Variants in GABPA observed in about 807,000 individuals in gnomAD.
The protein encoded by GABPA is GA binding protein transcription factor subunit alpha, also known as GA-binding protein alpha chain.
In GABPA, 4 loss-of-function variants were observed where a neutral mutation model predicts 59.4. The ratio of observed to expected loss-of-function variants is 0.07; its 90% CI spans 0.03 to 0.15. The LOEUF (loss-of-function observed/expected upper bound fraction) is 0.15, where lower values mean the gene tolerates loss of function less well. Ranked by LOEUF, GABPA falls within the 10% of genes least tolerant of loss-of-function variation. The pLI, the probability that GABPA is intolerant of heterozygous loss-of-function variation, is 1.00. For missense variants in GABPA, 251 were observed against 543.8 expected, an observed-to-expected ratio of 0.46 and a Z score of 5.36; for synonymous variants, 164 against 183.1, an observed-to-expected ratio of 0.90 and a Z score of 0.84.
chr21:25,766,861 CA>C (rs1188966139), intron 9 of GABPA, among the ~76,000 whole-genome samples: 2 of 151,888 alleles, frequency 1.3e-5, no homozygotes, highest in African/African-American at 4.8e-5. Context: ...ATCCAAACCC[CA>C]GAAACAACCA....
intron 5 of GABPA, among the ~76,000 whole-genome samples, chr21:25,752,546 A>G (rs963381706): frequency 6.6e-6 from 1 of 152,150 alleles, no homozygotes; most frequent in African/African-American, 2.4e-5. Context: ...ACTGCCAGTA[A>G]CTCTTGTAGA....
chr21:25,752,893 A>C (rs551474075), intron 5 of GABPA, among the ~76,000 whole-genome samples: 16 of 152,322 alleles, frequency 1.1e-4, no homozygotes, highest in Non-Finnish European at 1.9e-4. Context: ...TGTCTACATT[A>C]GCCCAGACTC....
intron 7 of GABPA, chr21:25,763,100 A>G: frequency 2.2e-6 from 1 of 457,634 alleles, no homozygotes; most frequent in East Asian, 5.5e-5. Flanking sequence ...GTTTCTCTTA[A>G]TATCCATCTC....
rs747071125 is a variant in GABPA, at chr21:25,764,582, CTTACCAAT to C, written c.944-9_944-2del. 2 of 1,606,878 alleles carry C rather than the reference CTTACCAAT, an allele frequency of 1.2e-6. No homozygotes were observed. Among genetic ancestry groups the C allele is most frequent in the South Asian group, 2.2e-5 (2 of 90,724 alleles). ...ACACTATAGCTAATGCTTTGTTCCTCTTACCAATTTAGGAAACAATGGCCAAATCCAAC... is the reference window on the plus strand; with the variant it reads ...ACACTATAGCTAATGCTTTGTTCCTCTTAGGAAACAATGGCCAAATCCAAC... On this transcript the variant is annotated splice_polypyrimidine_tract_variant and splice_region_variant and intron_variant, in intron 8 of 9. Coordinates refer to ENST00000400075, the MANE Select transcript of GABPA (RefSeq NM_002040.4).
chr21:25,762,276 T>C, intron 6 of GABPA, 36 bp from the exon 7 acceptor site: 1 of 1,247,934 alleles, frequency 8.0e-7, no homozygotes, highest in Admixed American at 2.1e-5. Flanking sequence ...ATATTTTTGG[T>C]TTTAAATAAA....
chr21:25,759,469 T>C (rs187782105), intron 6 of GABPA, among the ~76,000 whole-genome samples: 77 of 152,012 alleles, frequency 5.1e-4, no homozygotes, highest in African/African-American at 1.8e-3. Flanking sequence ...ACTTTGGGAG[T>C]CTGGGGTGGG....
intron 2 of GABPA, among the ~76,000 whole-genome samples, chr21:25,744,995 G>C (rs1254985213): frequency 6.6e-6 from 1 of 152,148 alleles, no homozygotes; most frequent in Non-Finnish European, 1.5e-5. Context: ...TATTTACAAG[G>C]ATGCTTTAAA....
intron 2 of GABPA, among the ~76,000 whole-genome samples, chr21:25,744,532 A>G (rs2035310971): frequency 6.6e-6 from 1 of 152,202 alleles, no homozygotes; most frequent in Admixed American, 6.5e-5. Context: ...CACATTCACC[A>G]ATTCAGCAAA....
intron 5 of GABPA, among the ~76,000 whole-genome samples, chr21:25,755,281 C>T (rs1239533040): frequency 6.6e-6 from 1 of 151,310 alleles, no homozygotes; most frequent in African/African-American, 2.4e-5. Context: ...AGACTGTCTC[C>T]AAAAAATAGA....
In GABPA at chr21:25,769,158, C is replaced by T; in HGVS notation, c.1291C>T (p.Leu431Phe). 6.2e-7 allele frequency: 1 copy of T among 1,609,886 alleles called. No individual in the cohort carries two copies. The highest frequency in any genetic ancestry group is 8.5e-7 in the Non-Finnish European group (1 of 1,176,276). ...ACAGAAGAAACTTGCAAAGATGCAGCTCCATGGAATTGCCCAGCCAGTCAC... is the reference window on the plus strand; with the variant it reads ...ACAGAAGAAACTTGCAAAGATGCAGTTCCATGGAATTGCCCAGCCAGTCAC... ...CEQKKLAKMQLHGIAQPVTAV... is the reference protein window; with the variant it reads ...CEQKKLAKMQFHGIAQPVTAV... The change falls in exon 10 of 10, where the codon CTC (leucine) becomes TTC (phenylalanine). Residue 431 changes from leucine (L) to phenylalanine (F), a missense_variant. Coordinates refer to ENST00000400075, the MANE Select transcript of GABPA (RefSeq NM_002040.4).
rs554183080 is a variant in GABPA, at chr21:25,753,107, C to T, written c.553+873C>T. 3.9e-4 allele frequency among the ~76,000 whole-genome samples: 60 copies of T among 152,290 alleles called. 1 individual carries two copies. The highest frequency in any genetic ancestry group is 1.4e-3 in the African/African-American group (58 of 41,566). On this transcript the variant is annotated intron_variant, in intron 5 of 9. Transcript: ENST00000400075. ...TACATATTTAGTGAACACTACCGTA[C>T]ACCAGGCACCATGTTAAATGCTGGG...
intron 1 of GABPA, among the ~76,000 whole-genome samples, chr21:25,741,361 T>C (rs990128883): frequency 3.3e-5 from 5 of 151,930 alleles, no homozygotes; most frequent in East Asian, 1.9e-4. Flanking sequence ...TTCAAACTCC[T>C]GGGCTCAAGC....
intron 5 of GABPA, among the ~76,000 whole-genome samples, chr21:25,757,396 G>A (rs1285575273): frequency 6.6e-6 from 1 of 152,110 alleles, no homozygotes; most frequent in Non-Finnish European, 1.5e-5. Flanking sequence ...TATGAGCAAG[G>A]CACTGTTAGG....
chr21:25,756,083 C>T (rs1384625702), intron 5 of GABPA, among the ~76,000 whole-genome samples: 1 of 152,114 alleles, frequency 6.6e-6, no homozygotes, highest in African/African-American at 2.4e-5. Context: ...TGTTGTTTTA[C>T]TAGAGTCTTA....
intron 2 of GABPA, among the ~76,000 whole-genome samples, chr21:25,743,201 A>G (rs540260188): frequency 6.6e-6 from 1 of 152,328 alleles, no homozygotes; most frequent in East Asian, 1.9e-4. Flanking sequence ...CCCTTAAAGC[A>G]AATGGTCTGA....
intron 6 of GABPA, among the ~76,000 whole-genome samples, 167 bp from the exon 7 acceptor site, chr21:25,762,145 A>G (rs934462209): frequency 6.6e-6 from 1 of 152,158 alleles, no homozygotes; most frequent in African/African-American, 2.4e-5. Flanking sequence ...TAAAGTGACT[A>G]TCAAATATTT....
chr21:25,755,151 C>G (rs1164052966), intron 5 of GABPA, among the ~76,000 whole-genome samples: 1 of 150,676 alleles, frequency 6.6e-6, no homozygotes, highest in Non-Finnish European at 1.5e-5. Flanking sequence ...TTGACTATTT[C>G]ATTAAAAGAA....
At position 25,771,970 on chromosome 21, in the gene GABPA, T is replaced by A. The variant is rs1288400583; in HGVS notation, c.*2738T>A. The A allele has an allele frequency of 6.6e-6, 1 of 152,088 alleles. No homozygotes were observed. Among genetic ancestry groups the A allele is most frequent in the East Asian group, 1.9e-4 (1 of 5,206 alleles). The allele number at this position is 152,088 out of a possible 1,614,324, so 9.4% of individuals were successfully genotyped here. A position where few individuals can be genotyped will look rare whatever the true frequency, so the allele number is the denominator to read the frequency against. On this transcript the variant is annotated 3_prime_UTR_variant, in exon 10 of 10. Transcript: ENST00000400075. ...ATGTTATTAGGAAAAATTGTTTAGT[T>A]GTTTTCTCCCCTGATTAATGGTGAT...
At chr21:25,755,481 C>T (rs1214233921) in intron 5 of GABPA, among the ~76,000 whole-genome samples, 1 of 147,754 alleles carries the variant, frequency 6.8e-6, no homozygotes, top group East Asian at 2.0e-4. Flanking sequence ...TCAAACGTGT[C>T]AATATTTATA....
Sources: allele counts gnomAD v4.1 joint callset (sites outside exome capture counted in the v4.1 genomes callset), GRCh38; gene constraint gnomAD v4.1.1; transcripts MANE v1.5; gene names NCBI Gene and HGNC (gene_info 2026-07-23, HGNC 2026-07-21).